PBLD: variants seen among roughly 807,000 people sequenced by gnomAD.
PBLD encodes the protein phenazine biosynthesis like protein domain containing, also known as phenazine biosynthesis-like domain-containing protein.
A neutral mutation model predicts 31.3 loss-of-function variants in PBLD; 26 were observed. The observed-to-expected ratio is 0.83, with a 90% CI of 0.61 to 1.15. The LOEUF (loss-of-function observed/expected upper bound fraction) is 1.15, where lower values mean the gene tolerates loss of function less well. PBLD is among the 50% of genes most tolerant of loss of function. The probability of loss-of-function intolerance (pLI) is 0.00; values close to 1 mark genes in which losing one functional copy is unlikely to be tolerated. For missense variants in PBLD, 307 were observed against 351.7 expected (o/e 0.87, Z 1.02); for synonymous variants, 114 against 129.0 (o/e 0.88, Z 0.79).
At chr10:68,299,653 C>G (rs2044479133) in intron 2 of PBLD, among the ~76,000 whole-genome samples, 1 of 151,808 alleles carries the variant, frequency 6.6e-6, no homozygotes, top group African/African-American at 2.4e-5. Flanking sequence ...GTCAGGAGTT[C>G]GAGACCAGCC....
intron 2 of PBLD, among the ~76,000 whole-genome samples, chr10:68,297,321 A>G (rs1246903826): frequency 6.6e-6 from 1 of 152,010 alleles, no homozygotes; most frequent in Non-Finnish European, 1.5e-5. Context: ...AAGTACCCCA[A>G]TCTCCTTTGC....
At chr10:68,308,860 GTGTGTGTGTGTGTGTGTGTGTT>G (rs1260206796) in intron 1 of PBLD, among the ~76,000 whole-genome samples, 2 of 148,718 alleles carry the variant, frequency 1.3e-5, no homozygotes. Context: ...GTGTGTGTGT[GTGTGTGTGTGTGTGTGTGTGTT>G]TGTGTGTGTG....
chr10:68,299,180 A>G (rs2044472514), intron 2 of PBLD, among the ~76,000 whole-genome samples: 1 of 151,858 alleles, frequency 6.6e-6, no homozygotes, highest in African/African-American at 2.4e-5. Flanking sequence ...TTTTTAATCA[A>G]TAAAATGCTT....
rs201518214 is a variant in PBLD at position 68,288,607 on chromosome 10, G to A, written c.567C>T (p.Asn189=). The change falls in exon 8 of 10, where the codon AAC becomes AAT. Residue 189 remains asparagine, a synonymous_variant. Coordinates refer to ENST00000358769, the MANE Select transcript of PBLD (RefSeq NM_022129.4). ...GAATAAGCCCTTTCACCTTCCCTGT[G>A]TTTTCAACTTGCAGCAGATTCTCCG... ...VNTENLLQVE[N]TGKVKGLILT... 2 of 1,614,030 alleles carry A rather than the reference G, an allele frequency of 1.2e-6. No individual in the cohort carries two copies. The highest frequency in any genetic ancestry group is 1.6e-4 in the Middle Eastern group (1 of 6,084).
intron 1 of PBLD, among the ~76,000 whole-genome samples, chr10:68,311,797 G>T (rs1226055309): frequency 6.6e-6 from 1 of 151,978 alleles, no homozygotes; most frequent in Non-Finnish European, 1.5e-5. Context: ...AAGCACTAGG[G>T]TGCCAACATT....
At chr10:68,329,516 ATAGAAG>A (rs1288015601) in intron 1 of PBLD, among the ~76,000 whole-genome samples, 1 of 152,238 alleles carries the variant, frequency 6.6e-6, no homozygotes, top group Admixed American at 6.5e-5. Context: ...GACTGAAAGG[ATAGAAG>A]TAGCCATGTA....
At chr10:68,297,761 T>C (rs2044449572) in intron 2 of PBLD, among the ~76,000 whole-genome samples, 1 of 152,102 alleles carries the variant, frequency 6.6e-6, no homozygotes, top group African/African-American at 2.4e-5. Flanking sequence ...AACGGAGAGA[T>C]CATATAATAT....
At chr10:68,311,751 CAAAAAAAAAAAAAA>C (rs987918906) in intron 1 of PBLD, among the ~76,000 whole-genome samples, 3 of 59,902 alleles carry the variant, frequency 5.0e-5, no homozygotes, top group African/African-American at 2.1e-4. Context: ...GACCCTGCCT[CAAAAAAAAAAAAAA>C]AAAAAAAGAA....
At chr10:68,296,237 G>T in intron 4 of PBLD, 29 bp downstream of exon 4, 2 of 1,519,794 alleles carry the variant, frequency 1.3e-6, no homozygotes, top group Non-Finnish European at 1.8e-6. Flanking sequence ...TTTGCTAAGT[G>T]TTAGATTCAT....
At position 68,319,070 on chromosome 10, in the gene PBLD, A is replaced by AG. The variant is rs1491308508; in HGVS notation, c.-59-12168dup. Among the ~76,000 whole-genome samples, 170 of 126,316 alleles carry AG rather than the reference A, an allele frequency of 1.3e-3. 1 individual carries two copies. The highest frequency in any genetic ancestry group is 5.3e-3 in the African/African-American group (158 of 29,676). 82.9% of individuals were successfully genotyped at this position (126,316 alleles called of 152,430 possible). A position where few individuals can be genotyped will look rare whatever the true frequency, so the allele number is the denominator to read the frequency against. On this transcript the variant is annotated intron_variant, in intron 1 of 9. Coordinates refer to ENST00000358769, the MANE Select transcript of PBLD (RefSeq NM_022129.4). Reference sequence around the variant, plus strand: ...GAAAGAGAGAGAAAGAAAGAAAGAAAGAAAGAAAGAAAGAAAGAAAGAAAG... The same window carrying AG: ...GAAAGAGAGAGAAAGAAAGAAAGAAAGGAAAGAAAGAAAGAAAGAAAGAAAG...
At chr10:68,292,344 T>C in intron 4 of PBLD, 106 bp from the exon 5 acceptor site, 1 of 949,326 alleles carries the variant, frequency 1.1e-6, no homozygotes, top group Non-Finnish European at 1.6e-6. Flanking sequence ...ACTGTCATCC[T>C]TTTCTATGAT....
Position 68,309,022 on chromosome 10 carries a change from T to C in PBLD, c.-59-2119A>G, listed in dbSNP as rs1459510745. ...CCATGGATGTGCCTGGGGAGAGTGA[T>C]GTATATTTGTCCCTCTGCAATAGTC... is the stretch of plus-strand genomic sequence containing the variant. On this transcript the variant is annotated intron_variant, in intron 1 of 9. Coordinates refer to ENST00000358769, the MANE Select transcript of PBLD (RefSeq NM_022129.4). Among the ~76,000 whole-genome samples the C allele has an allele frequency of 1.3e-5, 2 of 150,292 alleles. 1 individual carries two copies. The highest frequency in any genetic ancestry group is 4.1e-4 in the East Asian group (2 of 4,856).
At chr10:68,309,389 A>G (rs1038931685) in intron 1 of PBLD, among the ~76,000 whole-genome samples, 9 of 122,020 alleles carry the variant, frequency 7.4e-5, no homozygotes, top group African/African-American at 2.5e-4. Context: ...CCTAGACAAC[A>G]GAGTGAGATT....
chr10:68,325,634 T>G (rs1233974228), intron 1 of PBLD, among the ~76,000 whole-genome samples: 2 of 152,204 alleles, frequency 1.3e-5, no homozygotes, highest in African/African-American at 4.8e-5. Flanking sequence ...CTCCATAGGG[T>G]AGCACACAAA....
At chr10:68,320,821 CTTT>C (rs201356125) in intron 1 of PBLD, among the ~76,000 whole-genome samples, 1 of 142,766 alleles carries the variant, frequency 7.0e-6, no homozygotes, top group Non-Finnish European at 1.5e-5. Context: ...GCTCAACCCC[CTTT>C]TTTTTTTTTT....
At chr10:68,285,033 G>T (rs1198900289) in intron 9 of PBLD, 5 of 1,195,678 alleles carry the variant, frequency 4.2e-6, no homozygotes, top group Non-Finnish European at 3.1e-6. Context: ...AGGAACCTTG[G>T]TCATCATCCA....
chr10:68,306,717 G>C (rs2044583982), intron 2 of PBLD, 44 bp downstream of exon 2: 1 of 1,521,338 alleles, frequency 6.6e-7, no homozygotes, highest in Non-Finnish European at 9.1e-7. Context: ...GTTTCTACAG[G>C]AATCTAGAAT....
intron 2 of PBLD, among the ~76,000 whole-genome samples, chr10:68,302,365 G>A (rs529149553): frequency 7.2e-4 from 109 of 152,272 alleles, no homozygotes; most frequent in African/African-American, 2.6e-3. Flanking sequence ...GAAAATCAGA[G>A]TAAAGTTTTA....
rs140192435 is a variant in PBLD, at chr10:68,321,306, G to C, written c.-60+11478C>G. On this transcript the variant is annotated intron_variant, in intron 1 of 9. Transcript: ENST00000358769. ...CTTTCAACAGTGGATGAAACAGCTA[G>C]ACAGAAGATCATCAAGGAAACAGAA... is the stretch of plus-strand genomic sequence containing the variant. Among the ~76,000 whole-genome samples, 472 of 152,258 alleles carry C rather than the reference G, an allele frequency of 3.1e-3. 4 individuals are homozygous for C. The highest frequency in any genetic ancestry group is 0.011 in the African/African-American group (447 of 41,538).
Sources: allele counts gnomAD v4.1 joint callset (sites outside exome capture counted in the v4.1 genomes callset), GRCh38; gene constraint gnomAD v4.1.1; transcripts MANE v1.5; gene names NCBI Gene and HGNC (gene_info 2026-07-23, HGNC 2026-07-21).